STAT3: variants seen among roughly 807,000 people sequenced by gnomAD.
STAT3 encodes DNA-binding protein APRF.
STAT3 carries 7 observed loss-of-function variants against 114.3 expected under a neutral mutation model. The observed-to-expected ratio is 0.06, with a 90% CI of 0.03 to 0.11. STAT3 has a LOEUF of 0.11. Ranked by LOEUF, STAT3 falls within the 10% of genes least tolerant of loss-of-function variation. The probability of loss-of-function intolerance (pLI) is 1.00; values close to 1 mark genes in which losing one functional copy is unlikely to be tolerated. For synonymous variants in STAT3, 331 were observed against 354.5 expected (o/e 0.93, Z 0.74); for missense variants, 364 against 960.9 (o/e 0.38, Z 8.21).
intron 1 of STAT3, among the ~76,000 whole-genome samples, chr17:42,366,837 G>A (rs569570094): frequency 6.6e-6 from 1 of 152,016 alleles, no homozygotes; most frequent in Admixed American, 6.6e-5. Flanking sequence ...CCACATTACA[G>A]ATCCTTTCAA....
rs187611768 is a variant in STAT3, at chr17:42,364,371, T to G, written c.-23-15832A>C. ...TTTCAAAAGAAAAACAGTGGTAGGT[T>G]GAGCAAGCACATTGTCATGTCAGAT... On this transcript the variant is annotated intron_variant, in intron 1 of 23. Coordinates refer to ENST00000264657, the MANE Select transcript of STAT3 (RefSeq NM_139276.3). Among the ~76,000 whole-genome samples, 346 of 152,248 alleles carry G rather than the reference T, an allele frequency of 2.3e-3. 5 individuals are homozygous for G. Among genetic ancestry groups the G allele is most frequent in the Non-Finnish European group, 1.0e-3 (69 of 68,012 alleles).
At chr17:42,322,525 G>A (rs1392170412) in intron 20 of STAT3, 31 bp from the exon 21 acceptor site, 4 of 1,612,246 alleles carry the variant, frequency 2.5e-6, no homozygotes, top group Non-Finnish European at 3.4e-6. Context: ...GAAAGATCAT[G>A]GAACCTACAG....
At chr17:42,320,339 G>T (rs1181908273) in intron 21 of STAT3, among the ~76,000 whole-genome samples, 1 of 152,124 alleles carries the variant, frequency 6.6e-6, no homozygotes, top group Non-Finnish European at 1.5e-5. Context: ...AAGTGGGAGG[G>T]AAGTTGGTAG....
At chr17:42,384,131 T>A (rs1438064048) in intron 1 of STAT3, among the ~76,000 whole-genome samples, 2 of 86,388 alleles carry the variant, frequency 2.3e-5, no homozygotes, top group African/African-American at 6.6e-5. Context: ...TTTATTTATT[T>A]ATTTTTTTTT....
At chr17:42,318,873 T>A (rs1039628137) in intron 21 of STAT3, among the ~76,000 whole-genome samples, 1 of 152,216 alleles carries the variant, frequency 6.6e-6, no homozygotes, top group East Asian at 1.9e-4. Flanking sequence ...TAGTGTCTTA[T>A]AAATCCAACT....
intron 1 of STAT3, among the ~76,000 whole-genome samples, chr17:42,377,615 G>C (rs185388207): frequency 6.6e-6 from 1 of 152,184 alleles, no homozygotes; most frequent in African/African-American, 2.4e-5. Flanking sequence ...CCAAGGATAA[G>C]GTGCGGACTA....
rs548066920 is a variant in STAT3, at chr17:42,337,747, C to T, written c.645+16G>A. ...AGCGAGACACATGGGGGAAGTGGTC[C>T]GACCTATGCCCTTACTCTCCGCATC... On this transcript the variant is annotated intron_variant, in intron 7 of 23. Coordinates refer to ENST00000264657, the MANE Select transcript of STAT3 (RefSeq NM_139276.3). The surrounding 1 kb of genome is among the most constrained non-coding windows in gnomAD (Gnocchi z 4.0). The T allele has an allele frequency of 2.2e-5, 35 of 1,614,052 alleles. No individual in the cohort carries two copies. The East Asian group carries it at 2.5e-4, about 11-fold the overall frequency.
chr17:42,383,618 G>C (rs1338197984), intron 1 of STAT3, among the ~76,000 whole-genome samples: 1 of 152,126 alleles, frequency 6.6e-6, no homozygotes, highest in Non-Finnish European at 1.5e-5. Context: ...TGTAAGCCAA[G>C]GTGTCTAACA....
chr17:42,352,144 G>A (rs1380679676), intron 1 of STAT3, among the ~76,000 whole-genome samples: 1 of 152,040 alleles, frequency 6.6e-6, no homozygotes, highest in Non-Finnish European at 1.5e-5. Flanking sequence ...TTCGAGACCA[G>A]CCTGGCCAAC....
intron 2 of STAT3, among the ~76,000 whole-genome samples, chr17:42,347,931 A>G (rs143025463): frequency 5.0e-4 from 76 of 152,278 alleles, no homozygotes; most frequent in Non-Finnish European, 8.4e-4. Flanking sequence ...CTTTTCTTAT[A>G]AATTACCCAG....
chr17:42,345,544 T>C lies in STAT3; in HGVS notation c.372+15A>G. On this transcript the variant is annotated intron_variant, in intron 4 of 23. Transcript: ENST00000264657. ...TTCCTCCCAGACCAGGGATTTGTTT[T>C]GTCTCAGGTCTCACCTGGGCCGCAG... The C allele has an allele frequency of 6.3e-7, 1 of 1,590,954 alleles. No homozygotes were observed. The highest frequency in any genetic ancestry group is 8.6e-7 in the Non-Finnish European group (1 of 1,165,924).
Position 42,362,362 on chromosome 17 carries a change from A to T in STAT3, c.-23-13823T>A, listed in dbSNP as rs548820985. 3.4e-3 allele frequency among the ~76,000 whole-genome samples: 511 copies of T among 152,334 alleles called. 3 individuals carry two copies. The highest frequency in any genetic ancestry group is 5.7e-3 in the Non-Finnish European group (385 of 68,028). Reference sequence around the variant, plus strand: ...AAAATCAGGCAGAAACATCAGAGCCAAAATGCATAGGGGGCCATGGCAAGA... The same window carrying T: ...AAAATCAGGCAGAAACATCAGAGCCTAAATGCATAGGGGGCCATGGCAAGA... On this transcript the variant is annotated intron_variant, in intron 1 of 23. Transcript: ENST00000264657.
chr17:42,357,242 A>G (rs1387243943), intron 1 of STAT3, among the ~76,000 whole-genome samples: 3 of 152,248 alleles, frequency 2.0e-5, no homozygotes, highest in Non-Finnish European at 4.4e-5. Context: ...TTCTAAAAAT[A>G]ATCTGAAGTA....
intron 1 of STAT3, among the ~76,000 whole-genome samples, chr17:42,384,064 T>C (rs950594565): frequency 6.6e-6 from 1 of 152,128 alleles, no homozygotes; most frequent in African/African-American, 2.4e-5. Flanking sequence ...GCCTAACACA[T>C]AGTAAGCACT....
At chr17:42,348,662 C>A (rs1395290058) in intron 1 of STAT3, 123 bp from the exon 2 acceptor site, 1 of 1,103,582 alleles carries the variant, frequency 9.1e-7, no homozygotes, top group Non-Finnish European at 1.3e-6. Context: ...CTGGGGAGGA[C>A]CCTGCTTCTT....
At chr17:42,381,134 A>G (rs2084768664) in intron 1 of STAT3, among the ~76,000 whole-genome samples, 2 of 152,202 alleles carry the variant, frequency 1.3e-5, no homozygotes, top group Non-Finnish European at 2.9e-5. Context: ...AAAGCCCAAT[A>G]GGTCTGACCT....
chr17:42,340,682 C>T (rs193282424), intron 4 of STAT3, among the ~76,000 whole-genome samples: 225 of 152,184 alleles, frequency 1.5e-3, no homozygotes, highest in African/African-American at 4.9e-3. Context: ...TATCCAAGCC[C>T]ACAGAATACA....
chr17:42,355,252 T>A lies in STAT3; in HGVS notation c.-23-6713A>T, dbSNP rs536832897. 3.9e-5 allele frequency among the ~76,000 whole-genome samples: 6 copies of A among 152,310 alleles called. No homozygotes were observed. The East Asian group carries it at 5.8e-4, about 15-fold the overall frequency. On this transcript the variant is annotated intron_variant, in intron 1 of 23. Transcript: ENST00000264657. ...CTAAGCCTGTGGGTTTTTAAAAAAA[T>A]TTTATTAGACATTCTAGAATTGGGC...
intron 8 of STAT3, among the ~76,000 whole-genome samples, chr17:42,336,258 T>C (rs1253782646): frequency 6.6e-6 from 1 of 152,082 alleles, no homozygotes; most frequent in Non-Finnish European, 1.5e-5. Flanking sequence ...TGCAGTAAGA[T>C]ATGCTGGATG....
Sources: gnomAD v4.1 joint callset for allele counts (sites outside exome capture counted in the v4.1 genomes callset) on GRCh38, gnomAD v4.1.1 for gene constraint, Gnocchi (gnomAD v3.1) non-coding constraint, MANE v1.5 for transcripts, NCBI Gene and HGNC (gene_info 2026-07-23, HGNC 2026-07-21) for gene names.